ADAMTS17: variants seen among roughly 807,000 people sequenced by gnomAD.
The protein encoded by ADAMTS17 is A disintegrin and metalloproteinase with thrombospondin motifs 17.
Under a neutral mutation model 141.5 loss-of-function variants are expected in ADAMTS17, and 113 were observed. That is an observed-to-expected ratio of 0.80 (90% CI 0.69 to 0.93). The LOEUF (loss-of-function observed/expected upper bound fraction) is 0.93, where lower values mean the gene tolerates loss of function less well. ADAMTS17 is among the 40% of genes least tolerant of loss of function. The pLI is 0.00. For missense variants in ADAMTS17, 1,659 were observed against 1,517.9 expected (o/e 1.09, Z -1.54); for synonymous variants, 768 against 630.6 (o/e 1.22, Z -3.27).
chr15:100,007,172 A>G (rs1398570711), intron 18 of ADAMTS17, among the ~76,000 whole-genome samples: 4 of 152,212 alleles, frequency 2.6e-5, no homozygotes, highest in Non-Finnish European at 4.4e-5. Context: ...CTGAAGGTCA[A>G]AGTGGAGCTG....
intron 8 of ADAMTS17, among the ~76,000 whole-genome samples, chr15:100,158,850 C>T (rs544055077): frequency 6.6e-6 from 1 of 152,206 alleles, no homozygotes; most frequent in East Asian, 1.9e-4. Flanking sequence ...ATACAAATGG[C>T]CAGCAGGCAC....
chr15:100,004,220 T>C (rs1320512372), intron 18 of ADAMTS17, among the ~76,000 whole-genome samples: 2 of 152,242 alleles, frequency 1.3e-5, no homozygotes, highest in East Asian at 1.9e-4. Flanking sequence ...GTGTGGACTT[T>C]GTGTACAAGC....
At chr15:100,074,492 T>C (rs1280421878) in intron 15 of ADAMTS17, among the ~76,000 whole-genome samples, 6 of 152,130 alleles carry the variant, frequency 3.9e-5, no homozygotes, top group Non-Finnish European at 8.8e-5. Flanking sequence ...TAGTTTCCTC[T>C]TGCTCTCACA....
chr15:100,243,229 C>G (rs1028079196), intron 7 of ADAMTS17, among the ~76,000 whole-genome samples: 1 of 152,230 alleles, frequency 6.6e-6, no homozygotes, highest in Non-Finnish European at 1.5e-5. Context: ...CCACTCACCC[C>G]TCTATCAACA....
At chr15:100,253,142 T>C (rs7171129) in intron 7 of ADAMTS17, among the ~76,000 whole-genome samples, 99,572 of 151,174 alleles carry the variant, frequency 0.66, 33,210 homozygotes, top group East Asian at 0.8. Context: ...ATTTTGATTC[T>C]GGCAATGCAA....
intron 15 of ADAMTS17, among the ~76,000 whole-genome samples, chr15:100,073,066 G>GA (rs1468649279): frequency 6.6e-6 from 1 of 151,832 alleles, no homozygotes; most frequent in Non-Finnish European, 1.5e-5. Flanking sequence ...AAATCTACAA[G>GA]AAAAAAACAA....
At chr15:100,249,984 T>C (rs1035893673) in intron 7 of ADAMTS17, among the ~76,000 whole-genome samples, 5 of 152,216 alleles carry the variant, frequency 3.3e-5, no homozygotes, top group African/African-American at 7.2e-5. Flanking sequence ...AGTAGAGGGA[T>C]GGGACTGCAC....
intron 4 of ADAMTS17, among the ~76,000 whole-genome samples, chr15:100,278,699 C>T (rs756719456): frequency 2.0e-4 from 31 of 152,186 alleles, no homozygotes; most frequent in Non-Finnish European, 3.8e-4. Flanking sequence ...AAGTCTTCAA[C>T]GAAATGGAAG....
At chr15:100,068,763 A>C (rs953628811) in intron 15 of ADAMTS17, among the ~76,000 whole-genome samples, 4 of 152,222 alleles carry the variant, frequency 2.6e-5, no homozygotes, top group African/African-American at 9.6e-5. Context: ...TGTCACCATC[A>C]TCAAAGACCA....
At position 99,972,643 on chromosome 15, in the gene ADAMTS17, C is replaced by G. The variant is rs539776359; in HGVS notation, c.*1759G>C. On this transcript the variant is annotated 3_prime_UTR_variant, in exon 22 of 22. Transcript: ENST00000268070. ...ACAGCAGTCTGCGCAGGCCGCGGGG[C>G]GAGGGTGGGCCGCTCCATCCTGACA... 5 of 152,284 alleles carry G rather than the reference C, an allele frequency of 3.3e-5. No individual in the cohort carries two copies. In the East Asian group the frequency reaches 7.7e-4, roughly 24 times the overall value. 9.4% of individuals were successfully genotyped at this position (152,284 alleles called of 1,614,324 possible).
intron 8 of ADAMTS17, among the ~76,000 whole-genome samples, chr15:100,170,432 AC>A (rs2040117055): frequency 6.6e-6 from 1 of 151,974 alleles, no homozygotes; most frequent in African/African-American, 2.4e-5. Context: ...GCACGCAGGG[AC>A]TCCTAAATGC....
intron 6 of ADAMTS17, among the ~76,000 whole-genome samples, chr15:100,258,572 A>G (rs4965609): frequency 0.11 from 16,432 of 152,192 alleles, 1,041 homozygotes; most frequent in East Asian, 0.15. Context: ...GAGCTTGTGC[A>G]GGGAAACACC....
At chr15:100,304,166 G>C (rs2045141125) in intron 3 of ADAMTS17, among the ~76,000 whole-genome samples, 1 of 152,182 alleles carries the variant, frequency 6.6e-6, no homozygotes, top group South Asian at 2.1e-4. Context: ...CTCTCAGGTA[G>C]CTAAAAGCAC....
At chr15:100,189,123 G>A (rs968942146) in intron 8 of ADAMTS17, among the ~76,000 whole-genome samples, 2 of 152,192 alleles carry the variant, frequency 1.3e-5, no homozygotes, top group Admixed American at 6.5e-5. Context: ...TGATGCAGAC[G>A]CTGCTGGTCC....
chr15:100,071,964 T>C (rs995839173), intron 15 of ADAMTS17, among the ~76,000 whole-genome samples: 7 of 150,170 alleles, frequency 4.7e-5, no homozygotes, highest in African/African-American at 1.7e-4. Flanking sequence ...GGAAGTCAAA[T>C]TGTCCCTGTT....
At chr15:100,263,997 C>G (rs1412418684) in intron 4 of ADAMTS17, among the ~76,000 whole-genome samples, 1 of 152,178 alleles carries the variant, frequency 6.6e-6, no homozygotes, top group East Asian at 1.9e-4. Context: ...ATCTCCGTGA[C>G]AAAGGAATCA....
chr15:100,124,580 A>G (rs1019441166), intron 12 of ADAMTS17, among the ~76,000 whole-genome samples: 1 of 152,238 alleles, frequency 6.6e-6, no homozygotes, highest in Non-Finnish European at 1.5e-5. Context: ...GTGGTCACAC[A>G]TGCGCGCCCC....
intron 18 of ADAMTS17, among the ~76,000 whole-genome samples, chr15:100,026,417 A>C (rs1426416882): frequency 6.6e-6 from 1 of 152,228 alleles, no homozygotes; most frequent in African/African-American, 2.4e-5. Context: ...ACTGCATCTT[A>C]AATGGGAGGC....
intron 18 of ADAMTS17, among the ~76,000 whole-genome samples, chr15:100,046,229 T>G (rs10152341): frequency 0.075 from 11,463 of 152,222 alleles, 1,406 homozygotes; most frequent in African/African-American, 0.25. Context: ...TCCAGAGTTC[T>G]TAATTGTTAT....
Sources: gnomAD v4.1 joint callset for allele counts (sites outside exome capture counted in the v4.1 genomes callset) on GRCh38, gnomAD v4.1.1 for gene constraint, MANE v1.5 for transcripts, NCBI Gene and HGNC (gene_info 2026-07-23, HGNC 2026-07-21) for gene names.